Variants in GRM5 observed in about 807,000 individuals in gnomAD.
The protein encoded by GRM5 is glutamate metabotropic receptor 5.
A neutral mutation model predicts 83.1 loss-of-function variants in GRM5; 19 were observed. The observed-to-expected ratio is 0.23, with a 90% CI of 0.16 to 0.34. The LOEUF is 0.34. GRM5 is among the 10% of genes least tolerant of loss of function. The pLI, the probability that GRM5 is intolerant of heterozygous loss-of-function variation, is 1.00. For missense variants in GRM5, 1,160 were observed against 1,588.3 expected (o/e 0.73, Z 4.58); for synonymous variants, 675 against 633.6 (o/e 1.07, Z -0.98).
intron 2 of GRM5, among the ~76,000 whole-genome samples, chr11:88,911,528 G>C (rs1452106751): frequency 6.6e-6 from 1 of 152,138 alleles, no homozygotes; most frequent in East Asian, 1.9e-4. Context: ...CTATCCATAT[G>C]ATGGGTAGTA....
intron 2 of GRM5, among the ~76,000 whole-genome samples, chr11:89,020,668 A>G (rs1009699829): frequency 6.6e-6 from 1 of 152,214 alleles, no homozygotes; most frequent in African/African-American, 2.4e-5. Context: ...TTCCAGCTTC[A>G]TGCCTATCTG....
chr11:88,862,724 TG>T (rs200056786), intron 2 of GRM5, among the ~76,000 whole-genome samples: 1,637 of 152,170 alleles, frequency 0.011, 15 homozygotes, highest in Middle Eastern at 0.024. Context: ...ACCTGTGCCA[TG>T]GGTATTTGCT....
intron 2 of GRM5, among the ~76,000 whole-genome samples, chr11:88,874,118 A>G (rs1226195700): frequency 6.6e-6 from 1 of 151,768 alleles, no homozygotes; most frequent in African/African-American, 2.4e-5. Flanking sequence ...TCACTGCCAA[A>G]TAATTCTATC....
intron 3 of GRM5, among the ~76,000 whole-genome samples, chr11:88,687,490 CAA>C (rs1279535708): frequency 1.2e-5 from 1 of 85,038 alleles, no homozygotes; most frequent in African/African-American, 5.7e-5. Flanking sequence ...AACAAACAAA[CAA>C]ACAAAAAATA....
intron 2 of GRM5, among the ~76,000 whole-genome samples, chr11:88,999,370 A>G (rs1345052146): frequency 1.3e-5 from 2 of 152,258 alleles, no homozygotes; most frequent in Admixed American, 1.3e-4. Flanking sequence ...TCCAGAACCT[A>G]CAATGAACTC....
At chr11:88,632,266 T>TTG (rs1938995770) in intron 4 of GRM5, among the ~76,000 whole-genome samples, 1 of 147,140 alleles carries the variant, frequency 6.8e-6, no homozygotes, top group East Asian at 2.0e-4. Flanking sequence ...TTTTTTTTTT[T>TTG]GGCAGGATCT....
At chr11:88,629,871 A>G (rs1938914139) in intron 4 of GRM5, among the ~76,000 whole-genome samples, 1 of 152,198 alleles carries the variant, frequency 6.6e-6, no homozygotes, top group African/African-American at 2.4e-5. Flanking sequence ...GTCTCAATTG[A>G]GTAAAAGCCA....
At chr11:88,596,551 A>G (rs779438868) in intron 6 of GRM5, among the ~76,000 whole-genome samples, 10 of 152,122 alleles carry the variant, frequency 6.6e-5, no homozygotes, top group South Asian at 2.1e-4. Flanking sequence ...TTGTTTCTGG[A>G]CAGTCTTCAA....
intron 2 of GRM5, chr11:88,925,857 C>T (rs1291354112): frequency 1.7e-5 from 7 of 405,338 alleles, no homozygotes; most frequent in East Asian, 7.9e-5. Flanking sequence ...TACAGTGAGC[C>T]GAGATTGTGC....
intron 4 of GRM5, among the ~76,000 whole-genome samples, chr11:88,636,247 C>A (rs544548851): frequency 6.6e-6 from 1 of 152,190 alleles, no homozygotes; most frequent in Admixed American, 6.5e-5. Context: ...CACGGTGGCT[C>A]ACGCTTGTAA....
chr11:88,751,086 A>AT lies in GRM5; in HGVS notation c.912-97684_912-97683insA, dbSNP rs1555007944. 2.0e-3 allele frequency among the ~76,000 whole-genome samples: 303 copies of AT among 148,418 alleles called. 1 individual carries two copies. The highest frequency in any genetic ancestry group is 3.3e-3 in the East Asian group (17 of 5,136). The stretch of plus-strand genomic sequence containing the variant: ...ATAGCAGAAGCCAAAAAAAAAAAAA[A>AT]AAAAAAAAACAAAGAACAAAATCAG... On this transcript the variant is annotated intron_variant, in intron 3 of 9. Coordinates refer to ENST00000305447, the MANE Select transcript of GRM5 (RefSeq NM_001143831.3).
chr11:88,708,734 C>T (rs12800947), intron 3 of GRM5, among the ~76,000 whole-genome samples: 21,352 of 151,852 alleles, frequency 0.14, 1,875 homozygotes, highest in Non-Finnish European at 0.2. Flanking sequence ...TTTCTATATC[C>T]AGCTCCCAAG....
intron 3 of GRM5, among the ~76,000 whole-genome samples, chr11:88,781,324 G>C (rs1036789782): frequency 6.6e-6 from 1 of 151,992 alleles, no homozygotes; most frequent in Non-Finnish European, 1.5e-5. Flanking sequence ...AATATGCTCT[G>C]AGAATCAGCA....
At chr11:88,818,470 AAT>A (rs1943728452) in intron 3 of GRM5, among the ~76,000 whole-genome samples, 1 of 152,158 alleles carries the variant, frequency 6.6e-6, no homozygotes, top group Non-Finnish European at 1.5e-5. Flanking sequence ...CAGAATGATG[AAT>A]ACATCTTCAA....
intron 2 of GRM5, among the ~76,000 whole-genome samples, chr11:88,863,709 TTAAC>T (rs1434148549): frequency 8.5e-6 from 1 of 117,386 alleles, no homozygotes; most frequent in Non-Finnish European, 1.8e-5. Flanking sequence ...TGTCTGATAT[TTAAC>T]TTTTATTTTT....
chr11:88,847,189 A>C (rs532580179), intron 3 of GRM5, among the ~76,000 whole-genome samples: 1 of 152,310 alleles, frequency 6.6e-6, no homozygotes, highest in South Asian at 2.1e-4. Flanking sequence ...CTGTGTATAA[A>C]ATAGAATAGT....
chr11:88,887,627 T>C (rs549522994), intron 2 of GRM5, among the ~76,000 whole-genome samples: 11 of 152,166 alleles, frequency 7.2e-5, no homozygotes, highest in African/African-American at 2.2e-4. Flanking sequence ...ATGGAAGGAA[T>C]ATAGCAAGGG....
intron 3 of GRM5, among the ~76,000 whole-genome samples, chr11:88,710,258 T>C (rs902203218): frequency 1.3e-5 from 2 of 152,070 alleles, no homozygotes; most frequent in Non-Finnish European, 2.9e-5. Flanking sequence ...AAGAACATAT[T>C]GACAACAAAA....
intron 9 of GRM5, among the ~76,000 whole-genome samples, chr11:88,524,219 T>TTCTTTTC: frequency 1.8e-5 from 1 of 55,816 alleles, no homozygotes; most frequent in African/African-American, 3.5e-5. Flanking sequence ...TCTTTCTTTT[T>TTCTTTTC]TTTTTTTTTT....
Sources: gnomAD v4.1 joint callset for allele counts (sites outside exome capture counted in the v4.1 genomes callset) on GRCh38, gnomAD v4.1.1 for gene constraint, MANE v1.5 for transcripts, NCBI Gene and HGNC (gene_info 2026-07-23, HGNC 2026-07-21) for gene names.